PSMA1: variants seen among roughly 807,000 people sequenced by gnomAD.
PSMA1 encodes the protein proteasome subunit alpha type-1.
Under a neutral mutation model 38.4 loss-of-function variants are expected in PSMA1, and 3 were observed. The ratio of observed to expected loss-of-function variants is 0.08; its 90% confidence interval spans 0.04 to 0.20. The LOEUF is 0.20. PSMA1 is among the 10% of genes least tolerant of loss of function. The pLI, the probability that PSMA1 is intolerant of heterozygous loss-of-function variation, is 1.00. For missense variants in PSMA1, 227 were observed against 325.3 expected, an observed-to-expected ratio of 0.70 and a Z score of 2.32; for synonymous variants, 101 against 107.1, an observed-to-expected ratio of 0.94 and a Z score of 0.35.
intron 1 of PSMA1, among the ~76,000 whole-genome samples, chr11:14,631,214 A>G (rs1328260643): frequency 6.6e-6 from 1 of 152,030 alleles, no homozygotes; most frequent in African/African-American, 2.4e-5. Flanking sequence ...CTAGCTTTTG[A>G]ATGAGTTTGC....
chr11:14,552,640 T>TA (rs1341023164), intron 2 of PSMA1, among the ~76,000 whole-genome samples: 1 of 152,086 alleles, frequency 6.6e-6, no homozygotes, highest in African/African-American at 2.4e-5. Flanking sequence ...GCATCTGCAT[T>TA]AGAGTCCCCC....
chr11:14,507,530 C>T, intron 9 of PSMA1, 126 bp downstream of exon 9: 1 of 694,690 alleles, frequency 1.4e-6, no homozygotes, highest in South Asian at 1.7e-5. Flanking sequence ...TCTTAATTTT[C>T]CTGTTGCCAT....
At chr11:14,507,835 T>C in intron 8 of PSMA1, 69 bp from the exon 9 acceptor site, 1 of 1,059,320 alleles carries the variant, frequency 9.4e-7, no homozygotes, top group Non-Finnish European at 1.4e-6. Flanking sequence ...GATAAAATAT[T>C]GGGTGAAAAA....
chr11:14,621,634 T>C (rs1426581489), intron 1 of PSMA1, among the ~76,000 whole-genome samples: 1 of 152,206 alleles, frequency 6.6e-6, no homozygotes, highest in Admixed American at 6.5e-5. Context: ...CACCTTTTTC[T>C]CTCCACTAGC....
chr11:14,604,522 G>C (rs1852619772), intron 2 of PSMA1, among the ~76,000 whole-genome samples: 1 of 152,124 alleles, frequency 6.6e-6, no homozygotes, highest in Admixed American at 6.5e-5. Flanking sequence ...AAAAAAGGTA[G>C]TTAGAAGTTA....
chr11:14,640,939 G>A (rs373808076), intron 1 of PSMA1, among the ~76,000 whole-genome samples: 1 of 152,224 alleles, frequency 6.6e-6, no homozygotes, highest in South Asian at 2.1e-4. Flanking sequence ...ATACCCAGGG[G>A]CTTGCATTGT....
chr11:14,533,487 C>G (rs374267964), intron 2 of PSMA1, among the ~76,000 whole-genome samples: 1 of 152,212 alleles, frequency 6.6e-6, no homozygotes, highest in Non-Finnish European at 1.5e-5. Context: ...GGTTTTGCCA[C>G]TATCTGGGCT....
chr11:14,536,922 A>G (rs1159418639), intron 2 of PSMA1, among the ~76,000 whole-genome samples: 1 of 152,226 alleles, frequency 6.6e-6, no homozygotes, highest in Non-Finnish European at 1.5e-5. Flanking sequence ...GCCAAAGGCA[A>G]CATTTTTTCG....
intron 1 of PSMA1, among the ~76,000 whole-genome samples, chr11:14,629,965 C>A (rs890075988): frequency 6.6e-6 from 1 of 150,796 alleles, no homozygotes; most frequent in African/African-American, 2.4e-5. Flanking sequence ...TTTGGCTCTC[C>A]GTCTGTTGTT....
At chr11:14,594,832 C>T (rs1852465762) in intron 2 of PSMA1, among the ~76,000 whole-genome samples, 1 of 152,056 alleles carries the variant, frequency 6.6e-6, no homozygotes, top group African/African-American at 2.4e-5. Context: ...CATAGGTATA[C>T]ATGTGCCATG....
intron 2 of PSMA1, among the ~76,000 whole-genome samples, chr11:14,558,256 A>C (rs1440410813): frequency 6.6e-6 from 1 of 150,670 alleles, no homozygotes; most frequent in Non-Finnish European, 1.5e-5. Flanking sequence ...GCACAAAAAA[A>C]AAAAAAAAAA....
intron 2 of PSMA1, among the ~76,000 whole-genome samples, chr11:14,594,727 T>C (rs1852464440): frequency 6.6e-6 from 1 of 152,180 alleles, no homozygotes; most frequent in African/African-American, 2.4e-5. Context: ...GTAACTTATA[T>C]GGGTCTACTT....
intron 2 of PSMA1, among the ~76,000 whole-genome samples, chr11:14,532,135 A>G (rs1424366093): frequency 6.6e-6 from 1 of 151,528 alleles, no homozygotes; most frequent in East Asian, 1.9e-4. Context: ...AAAAATCCTC[A>G]TCTTTTTTTG....
chr11:14,587,634 T>C (rs1852363963), intron 2 of PSMA1, among the ~76,000 whole-genome samples: 2 of 151,660 alleles, frequency 1.3e-5, no homozygotes, highest in African/African-American at 4.9e-5. Context: ...GCTGACATCA[T>C]GTATAGTGAA....
At chr11:14,559,742 C>T (rs960672115) in intron 2 of PSMA1, among the ~76,000 whole-genome samples, 3 of 152,172 alleles carry the variant, frequency 2.0e-5, no homozygotes, top group Non-Finnish European at 2.9e-5. Context: ...ATGCTTAGAG[C>T]TTTAAGTGTT....
In PSMA1 at chr11:14,630,547, T is replaced by G. The variant is rs1852989737; in HGVS notation, c.-166+12908A>C. ...GTCATGGTGGATAAGCTTTTTGATG[T>G]GCTGCTGGATTCGGTTTGCCAGTAT... is the stretch of plus-strand genomic sequence containing the variant. On this transcript the variant is annotated intron_variant, in intron 1 of 10. Transcript: ENST00000418988. 2.0e-5 allele frequency among the ~76,000 whole-genome samples: 3 copies of G among 152,032 alleles called. No homozygotes were observed. The South Asian group carries it at 6.2e-4, about 32-fold the overall frequency.
At chr11:14,557,125 G>A (rs577348398) in intron 2 of PSMA1, among the ~76,000 whole-genome samples, 1 of 152,322 alleles carries the variant, frequency 6.6e-6, no homozygotes, top group East Asian at 1.9e-4. Context: ...ATAAGCGACT[G>A]CACCCTGCTC....
intron 2 of PSMA1, among the ~76,000 whole-genome samples, chr11:14,603,965 A>G (rs1852614216): frequency 6.6e-6 from 1 of 152,198 alleles, no homozygotes. Context: ...CTCTCTTTTG[A>G]GAAAGTTAGC....
intron 2 of PSMA1, among the ~76,000 whole-genome samples, chr11:14,583,500 T>C (rs1589999330): frequency 6.6e-6 from 1 of 152,166 alleles, no homozygotes; most frequent in Non-Finnish European, 1.5e-5. Flanking sequence ...CAGAATGCCA[T>C]AAGCCACTCT....
Sources: gnomAD v4.1 joint callset for allele counts (sites outside exome capture counted in the v4.1 genomes callset) on GRCh38, gnomAD v4.1.1 for gene constraint, MANE v1.5 for transcripts, NCBI Gene and HGNC (gene_info 2026-07-23, HGNC 2026-07-21) for gene names.